NEB: variants seen among roughly 807,000 people sequenced by gnomAD.
NEB encodes nebulin, also known as nemaline myopathy type 2.
Under a neutral mutation model 952.2 loss-of-function variants are expected in NEB, and 512 were observed. That is an observed-to-expected ratio of 0.54 (90% CI 0.50 to 0.58). The LOEUF is 0.58. Among genes scored for constraint, NEB ranks in the 20% least tolerant of loss-of-function variants. The pLI is 0.00. For synonymous variants in NEB, 2,900 were observed against 3,149.8 expected, an observed-to-expected ratio of 0.92 and a Z score of 2.66; for missense variants, 8,428 against 9,231.1, an observed-to-expected ratio of 0.91 and a Z score of 3.56.
At position 151,727,719 on chromosome 2, in the gene NEB, CTG is replaced by C; in HGVS notation, c.264_265del (p.His88GlnfsTer9). ...GCTAAAAAGATCCTGCATTTTCTGA[CTG>C]TGTGCAATGTAGGGGGTCATGAACT... is the stretch of plus-strand genomic sequence containing the variant. On this transcript the variant is annotated frameshift_variant, in exon 5 of 182. Coordinates refer to ENST00000397345, the MANE Select transcript of NEB (RefSeq NM_001164508.2). LOFTEE classifies it high-confidence loss of function. 6.2e-7 allele frequency: 1 copy of C among 1,613,422 alleles called. No individual in the cohort carries two copies. The highest frequency in any genetic ancestry group is 1.1e-5 in the South Asian group (1 of 91,074).
chr2:151,691,869 TAC>T lies in NEB; in HGVS notation c.2204_2205del (p.Cys735Ter). The T allele has an allele frequency of 1.3e-6, 2 of 1,590,704 alleles. No individual in the cohort carries two copies. Among genetic ancestry groups the T allele is most frequent in the Admixed American group, 1.8e-5 (1 of 56,272 alleles). On this transcript the variant is annotated frameshift_variant, in exon 23 of 182. Coordinates refer to ENST00000397345, the MANE Select transcript of NEB (RefSeq NM_001164508.2). LOFTEE classifies it high-confidence loss of function. ...ATTCAGGGCAGCTAACTTACATCTTTACACTGGTCCAGCTTCTTGATTGCTTC... is the reference window on the plus strand; with the variant it reads ...ATTCAGGGCAGCTAACTTACATCTTTACTGGTCCAGCTTCTTGATTGCTTC... ...EYEAIKKLDQ[C>X]KDHTYKVHPD...
Position 151,503,312 on chromosome 2 carries a change from T to A in NEB, c.23835+37A>T, listed in dbSNP as rs997022735. 4 of 1,459,588 alleles carry A rather than the reference T, an allele frequency of 2.7e-6. No individual in the cohort carries two copies. The African/African-American group carries it at 5.6e-5, about 21-fold the overall frequency. 90.4% of individuals were successfully genotyped at this position (1,459,588 alleles called of 1,614,324 possible). A position where few individuals can be genotyped will look rare whatever the true frequency, so the allele number is the denominator to read the frequency against. ...ATGGGTTATTGTGGTAAATTTTTTATGGGAAATAGTTTCTTATATGATATA... is the reference window on the plus strand; with the variant it reads ...ATGGGTTATTGTGGTAAATTTTTTAAGGGAAATAGTTTCTTATATGATATA... On this transcript the variant is annotated intron_variant, in intron 166 of 181. Transcript: ENST00000397345.
chr2:151,545,160 G>A (rs898519283), intron 135 of NEB, among the ~76,000 whole-genome samples: 32 of 152,350 alleles, frequency 2.1e-4, no homozygotes, highest in Non-Finnish European at 4.0e-4. Context: ...ATGGGCAGCA[G>A]AGCAGGGAGC....
intron 153 of NEB, among the ~76,000 whole-genome samples, chr2:151,520,589 G>T (rs1483925637): frequency 2.0e-5 from 3 of 152,182 alleles, no homozygotes; most frequent in Non-Finnish European, 2.9e-5. Context: ...TGATAGCCAG[G>T]TGTGGTGGCT....
chr2:151,615,980 C>T (rs777586506), intron 76 of NEB, 22 bp downstream of exon 76: 13 of 1,560,288 alleles, frequency 8.3e-6, no homozygotes, highest in South Asian at 5.9e-5. Context: ...TAAGAAATGG[C>T]TTTTCCAAAA....
chr2:151,645,556 A>G lies in NEB; in HGVS notation c.7536+574T>C, dbSNP rs531451526. Among the ~76,000 whole-genome samples the G allele has an allele frequency of 3.3e-5, 5 of 152,240 alleles. No homozygotes were observed. The South Asian group carries it at 8.3e-4, about 25-fold the overall frequency. On this transcript the variant is annotated intron_variant, in intron 55 of 181. Transcript: ENST00000397345. The stretch of plus-strand genomic sequence containing the variant: ...AGAAACCAGATTATTTAAAGTGCCT[A>G]TTGATCTTGGACTTGTGTTTATCTG...
intron 144 of NEB, 27 bp from the exon 145 acceptor site, chr2:151,531,128 T>C (rs373475161): frequency 2.1e-6 from 3 of 1,423,568 alleles, no homozygotes; most frequent in Non-Finnish European, 3.0e-6. Flanking sequence ...CAGAAAGACA[T>C]CATGTCATGC....
intron 4 of NEB, 50 bp from the exon 5 acceptor site, chr2:151,727,956 C>T: frequency 7.2e-7 from 1 of 1,391,728 alleles, no homozygotes; most frequent in Non-Finnish European, 1.0e-6. Flanking sequence ...AAAAACTGTG[C>T]TACTGTGATC....
chr2:151,488,755 A>T (rs2152730646), intron 181 of NEB, among the ~76,000 whole-genome samples: 1 of 152,278 alleles, frequency 6.6e-6, no homozygotes, highest in Middle Eastern at 3.4e-3. Context: ...TGGGTATCTA[A>T]TTTTATTATT....
Position 151,547,633 on chromosome 2 carries a change from C to T in NEB, c.20262+1G>A. On this transcript the variant is annotated splice_donor_variant, in intron 132 of 181. Transcript: ENST00000397345. LOFTEE classifies it high-confidence loss of function. Reference sequence around the variant, plus strand: ...CCTGTCTTTCCTAAGAAAATACCCACCTCACTGACAGCCTCTTGTGTCTTC... The same window carrying T: ...CCTGTCTTTCCTAAGAAAATACCCATCTCACTGACAGCCTCTTGTGTCTTC... 1 of 1,613,436 alleles carries T rather than the reference C, an allele frequency of 6.2e-7. No individual in the cohort carries two copies. Among genetic ancestry groups the T allele is most frequent in the Non-Finnish European group, 8.5e-7 (1 of 1,179,478 alleles).
chr2:151,731,528 T>C (rs1245342282), intron 3 of NEB, among the ~76,000 whole-genome samples: 1 of 152,206 alleles, frequency 6.6e-6, no homozygotes, highest in Non-Finnish European at 1.5e-5. Context: ...ATGCTCATGA[T>C]CTTTTTTGAG....
At chr2:151,721,903 C>CTG (rs1439680886) in intron 9 of NEB, among the ~76,000 whole-genome samples, 1 of 152,182 alleles carries the variant, frequency 6.6e-6, no homozygotes, top group Non-Finnish European at 1.5e-5. Context: ...CCTAACTTAC[C>CTG]TGTGGAAGGA....
rs373827041 is a variant in NEB at position 151,639,909 on chromosome 2, G to T, written c.8837C>A (p.Thr2946Asn). ...PPDRFKFTSVTDSLEQVLAKN... is the reference protein window; with the variant it reads ...PPDRFKFTSVNDSLEQVLAKN... Reference sequence around the variant, plus strand: ...GGCCAACACTTGTTCCAGAGAGTCAGTCACACTGGTAAATTTGAATCTGTC... The same window carrying T: ...GGCCAACACTTGTTCCAGAGAGTCATTCACACTGGTAAATTTGAATCTGTC... The change falls in exon 62 of 182, where the codon ACT (threonine) becomes AAT (asparagine). Residue 2946 changes from threonine (T) to asparagine (N), a missense_variant. Thr to Asn is a moderately conservative substitution (Grantham distance 65). This residue lies in a region of NEB where 1,772 missense variants were observed against 1,960.3 expected (regional missense o/e 0.90). Transcript: ENST00000397345. The T allele has an allele frequency of 1.2e-6, 2 of 1,613,850 alleles. No homozygotes were observed. The highest frequency in any genetic ancestry group is 2.7e-5 in the African/African-American group (2 of 74,920).
In NEB at chr2:151,659,155, T is replaced by C. The variant is rs2099118542; in HGVS notation, c.5985A>G (p.Gln1995=). The change falls in exon 47 of 182, where the codon CAA becomes CAG. Residue 1995 remains glutamine, a synonymous_variant. Transcript: ENST00000397345. ...CTTTGGTTTTGTCAGCCTCCCATGC[T>C]TGTTTGTAGAGATGCTAGGAAAAAA... is the stretch of plus-strand genomic sequence containing the variant. ...AKIMNEHLYK[Q]AWEADKTKVH... The C allele has an allele frequency of 6.2e-7, 1 of 1,611,014 alleles. No homozygotes were observed. The highest frequency in any genetic ancestry group is 8.5e-7 in the Non-Finnish European group (1 of 1,177,394).
intron 139 of NEB, 60 bp downstream of exon 139, chr2:151,538,080 A>G: frequency 5.4e-6 from 8 of 1,494,866 alleles, no homozygotes; most frequent in South Asian, 1.2e-5. Context: ...TAAAAAATAT[A>G]TGTATATGTA....
chr2:151,627,543 C>A lies in NEB; in HGVS notation c.10123G>T (p.Ala3375Ser). ...CTCACATCGCTCTGGAGGTCATAGG[C>A]CTGCCGAGCATGGATGACATCATTC... ...DQNDVIHARQAYDLQSDNIYK... is the reference protein window; with the variant it reads ...DQNDVIHARQSYDLQSDNIYK... Residue 3375 changes from alanine to serine, a missense_variant, in exon 69 of 182, where the codon GCC becomes TCC. Physicochemically the swap from Ala to Ser is moderately conservative, Grantham distance 99. Coordinates refer to ENST00000397345, the MANE Select transcript of NEB (RefSeq NM_001164508.2). 1 of 1,613,966 alleles carries A rather than the reference C, an allele frequency of 6.2e-7. No individual in the cohort carries two copies. Among genetic ancestry groups the A allele is most frequent in the Non-Finnish European group, 8.5e-7 (1 of 1,179,840 alleles).
rs2099313142 is a variant in NEB, at chr2:151,672,506, C to T, written c.4162G>A (p.Val1388Ile). 6.2e-7 allele frequency: 1 copy of T among 1,613,998 alleles called. No homozygotes were observed. The highest frequency in any genetic ancestry group is 8.5e-7 in the Non-Finnish European group (1 of 1,179,882). ...KTSYHTPGDMVSITAAKMAQD... is the reference protein window; with the variant it reads ...KTSYHTPGDMISITAAKMAQD... ...GCCATCTTTGCAGCTGTGATGCTAACCATGTCCCCAGGGGTATGGTAGCTG... is the reference window on the plus strand; with the variant it reads ...GCCATCTTTGCAGCTGTGATGCTAATCATGTCCCCAGGGGTATGGTAGCTG... The change falls in exon 37 of 182, where the codon GTT (valine) becomes ATT (isoleucine). Residue 1388 changes from valine to isoleucine, a missense_variant. By Grantham distance (29) the Val-to-Ile change is conservative (BLOSUM62 3). Transcript: ENST00000397345.
rs766494707 is a variant in NEB at position 151,677,682 on chromosome 2, G to A, written c.3657C>T (p.Ala1219=). ...ACTTCTTTTCATTCAGAGCATCACCGGCCTTTTTAACTTTTTCGACGTCGA... is the reference window on the plus strand; with the variant it reads ...ACTTCTTTTCATTCAGAGCATCACCAGCCTTTTTAACTTTTTCGACGTCGA... ...GSLDVEKVKK[A]GDALNEKKYR... Residue 1219 remains alanine, a synonymous_variant, in exon 34 of 182, where the codon GCC becomes GCT. Transcript: ENST00000397345. The A allele has an allele frequency of 7.4e-6, 12 of 1,613,668 alleles. No individual in the cohort carries two copies. Among genetic ancestry groups the A allele is most frequent in the African/African-American group, 5.3e-5 (4 of 74,844 alleles).
chr2:151,730,730 C>T (rs574018891), intron 3 of NEB, among the ~76,000 whole-genome samples: 1 of 151,820 alleles, frequency 6.6e-6, no homozygotes, highest in South Asian at 2.1e-4. Context: ...TGCAAAATTT[C>T]CCTCAATGGC....
Sources: gnomAD v4.1 joint callset for allele counts (sites outside exome capture counted in the v4.1 genomes callset) on GRCh38, gnomAD v4.1.1 for gene constraint, gnomAD v4.1.1 regional missense constraint, MANE v1.5 for transcripts, NCBI Gene and HGNC (gene_info 2026-07-23, HGNC 2026-07-21) for gene names.